Variants in ITFG1 observed in about 807,000 individuals in gnomAD.
The protein encoded by ITFG1 is integrin alpha FG-GAP repeat containing 1.
In ITFG1, 34 loss-of-function variants were observed where a neutral mutation model predicts 81.8. That is an observed-to-expected ratio of 0.42 (90% CI 0.32 to 0.55). ITFG1 has a LOEUF of 0.55. Among genes scored for constraint, ITFG1 ranks in the 20% least tolerant of loss-of-function variants. ITFG1 has a pLI of 0.17. For synonymous variants in ITFG1, 285 were observed against 270.6 expected (o/e 1.05, Z -0.52); for missense variants, 672 against 755.4 (o/e 0.89, Z 1.29).
At chr16:47,402,727 G>A (rs1241082570) in intron 6 of ITFG1, among the ~76,000 whole-genome samples, 3 of 152,134 alleles carry the variant, frequency 2.0e-5, no homozygotes, top group Non-Finnish European at 4.4e-5. Context: ...AATTAATCAC[G>A]CACATAAGGA....
intron 6 of ITFG1, among the ~76,000 whole-genome samples, chr16:47,423,818 C>T (rs2151607737): frequency 6.6e-6 from 1 of 152,298 alleles, no homozygotes; most frequent in African/African-American, 2.4e-5. Flanking sequence ...GATCGGCTTC[C>T]CTTTGTGGGT....
intron 16 of ITFG1, chr16:47,161,541 T>G (rs1251059042): frequency 7.9e-6 from 3 of 381,760 alleles, no homozygotes; most frequent in African/African-American, 6.0e-5. Flanking sequence ...CTCCTGTTTT[T>G]CTAATAGGAT....
intron 10 of ITFG1, among the ~76,000 whole-genome samples, chr16:47,264,359 T>A (rs1241247609): frequency 6.6e-6 from 1 of 152,130 alleles, no homozygotes; most frequent in Non-Finnish European, 1.5e-5. Context: ...AGACTTTTGA[T>A]CCCTATATTG....
At chr16:47,198,067 A>C (rs1001293474) in intron 14 of ITFG1, among the ~76,000 whole-genome samples, 1 of 152,232 alleles carries the variant, frequency 6.6e-6, no homozygotes, top group African/African-American at 2.4e-5. Context: ...AAGTTTAAGA[A>C]AACAAAATAT....
rs575538244 is a variant in ITFG1 at position 47,222,704 on chromosome 16, T to A, written c.1375-3758A>T. On this transcript the variant is annotated intron_variant, in intron 13 of 17. Coordinates refer to ENST00000320640, the MANE Select transcript of ITFG1 (RefSeq NM_030790.5). ...CTGGGATTACAGGCGTGAGCCACTC[T>A]GCCCAGCCTTGAGTGAGTTTCTTAA... Among the ~76,000 whole-genome samples, 5 of 152,288 alleles carry A rather than the reference T, an allele frequency of 3.3e-5. No individual in the cohort carries two copies. The South Asian group carries it at 1.0e-3, about 32-fold the overall frequency.
chr16:47,263,363 G>T, intron 10 of ITFG1: 1 of 481,162 alleles, frequency 2.1e-6, no homozygotes, highest in South Asian at 1.6e-5. Context: ...AAGCTACCAA[G>T]CCATCTACCA....
At chr16:47,293,505 T>A (rs1966939290) in intron 10 of ITFG1, among the ~76,000 whole-genome samples, 1 of 152,098 alleles carries the variant, frequency 6.6e-6, no homozygotes, top group Admixed American at 6.6e-5. Flanking sequence ...TCTGTATCCT[T>A]GCCAAAATCT....
intron 8 of ITFG1, among the ~76,000 whole-genome samples, chr16:47,357,117 A>C (rs1208000411): frequency 1.3e-5 from 2 of 152,168 alleles, no homozygotes; most frequent in South Asian, 2.1e-4. Context: ...TAGATCAATT[A>C]TATTAACTAG....
At chr16:47,161,914 T>C (rs1228570934) in intron 15 of ITFG1, 82 bp from the exon 16 acceptor site, 2 of 878,988 alleles carry the variant, frequency 2.3e-6, no homozygotes, top group African/African-American at 3.4e-5. Context: ...ATGAAAAATC[T>C]AGCTACTTTG....
chr16:47,194,586 A>C (rs543755560), intron 14 of ITFG1, among the ~76,000 whole-genome samples: 1 of 152,344 alleles, frequency 6.6e-6, no homozygotes, highest in Admixed American at 6.5e-5. Flanking sequence ...CTTGTTCTCT[A>C]GCGCTGCAAA....
chr16:47,343,147 T>C (rs568580928), intron 8 of ITFG1, among the ~76,000 whole-genome samples: 35 of 152,224 alleles, frequency 2.3e-4, no homozygotes, highest in Middle Eastern at 3.4e-3. Flanking sequence ...AGAACAGACA[T>C]AGACCAATGG....
chr16:47,421,451 C>T (rs1320712143), intron 6 of ITFG1, among the ~76,000 whole-genome samples: 10 of 151,898 alleles, frequency 6.6e-5, no homozygotes, highest in Admixed American at 1.3e-4. Flanking sequence ...ACTACAGGCG[C>T]GTACCAACAT....
chr16:47,440,724 A>G (rs949351519), intron 5 of ITFG1, among the ~76,000 whole-genome samples: 10 of 152,198 alleles, frequency 6.6e-5, no homozygotes, highest in Admixed American at 3.3e-4. Flanking sequence ...AATGCCCACA[A>G]GAGAAAGAAG....
chr16:47,172,467 AAC>A (rs1315846029), intron 14 of ITFG1, among the ~76,000 whole-genome samples: 3 of 152,292 alleles, frequency 2.0e-5, no homozygotes, highest in African/African-American at 7.2e-5. Context: ...TAGCCTGGCC[AAC>A]AGAGTGAGAC....
chr16:47,179,419 A>C (rs1178795815), intron 14 of ITFG1, among the ~76,000 whole-genome samples: 3 of 152,184 alleles, frequency 2.0e-5, no homozygotes, highest in African/African-American at 7.2e-5. Context: ...ACATGTATAC[A>C]TATGTAACAA....
At chr16:47,459,072 G>A (rs77673844) in intron 2 of ITFG1, 31 bp downstream of exon 2, 4 of 1,316,774 alleles carry the variant, frequency 3.0e-6, no homozygotes, top group Non-Finnish European at 4.4e-6. Context: ...AATGACTAAA[G>A]TTTTATCAAA....
At chr16:47,214,921 AACACACAC>A (rs57114470) in intron 14 of ITFG1, among the ~76,000 whole-genome samples, 3,302 of 145,124 alleles carry the variant, frequency 0.023, 61 homozygotes, top group African/African-American at 0.053. Flanking sequence ...CCAGTGTGAA[AACACACAC>A]ACACACACAC....
intron 12 of ITFG1, among the ~76,000 whole-genome samples, chr16:47,244,248 CTAGCAAATCAAACCCGAGGAGGGGGTCA>C (rs1389656173): frequency 1.3e-5 from 2 of 152,148 alleles, no homozygotes; most frequent in African/African-American, 4.8e-5. Flanking sequence ...GTGAGCTGCT[CTAGCAAATCAAACCCGAGGAGGGGGTCA>C]TGGGAACCCT....
chr16:47,214,381 G>C (rs923232300), intron 14 of ITFG1, among the ~76,000 whole-genome samples: 8 of 152,146 alleles, frequency 5.3e-5, no homozygotes, highest in Non-Finnish European at 8.8e-5. Flanking sequence ...CAAATAAGTC[G>C]TTTATGGGGT....
Sources: gnomAD v4.1 joint callset for allele counts (sites outside exome capture counted in the v4.1 genomes callset) on GRCh38, gnomAD v4.1.1 for gene constraint, MANE v1.5 for transcripts, NCBI Gene and HGNC (gene_info 2026-07-23, HGNC 2026-07-21) for gene names.